Variants in PPIP5K2 observed in about 807,000 individuals in gnomAD.
PPIP5K2 encodes the protein diphosphoinositol pentakisphosphate kinase 2.
Under a neutral mutation model 154.6 loss-of-function variants are expected in PPIP5K2, and 105 were observed. The ratio of observed to expected loss-of-function variants is 0.68; its 90% CI spans 0.58 to 0.80. PPIP5K2 has a LOEUF of 0.80. PPIP5K2 is among the 30% of genes least tolerant of loss of function. The pLI, the probability that PPIP5K2 is intolerant of heterozygous loss-of-function variation, is 0.00. For synonymous variants in PPIP5K2, 480 were observed against 490.3 expected (o/e 0.98, Z 0.28); for missense variants, 992 against 1,504.6 (o/e 0.66, Z 5.64).
At chr5:103,186,093 A>G (rs1204093115) in intron 26 of PPIP5K2, among the ~76,000 whole-genome samples, 1 of 152,120 alleles carries the variant, frequency 6.6e-6, no homozygotes, top group East Asian at 1.9e-4. Context: ...ATTTTGTCCA[A>G]TGTTAAATTA....
At position 103,149,298 on chromosome 5, in the gene PPIP5K2, C is replaced by G. The variant is rs782540691; in HGVS notation, c.891C>G (p.Val297=). The G allele has an allele frequency of 1.6e-5, 26 of 1,613,344 alleles. No individual in the cohort carries two copies. In the South Asian group the frequency reaches 2.7e-4, roughly 17 times the overall value. ...GAGAGAAATTAATTGCTTGGAAAGT[C>G]TGCCTTGCTTTTAAGGTAAGATGTT... ...NAREKLIAWK[V]CLAFKQTVCG... The change falls in exon 8 of 31, where the codon GTC becomes GTG. Residue 297 remains valine (V), a synonymous_variant. Coordinates refer to ENST00000358359, the MANE Select transcript of PPIP5K2 (RefSeq NM_001276277.3).
At chr5:103,182,779 C>T (rs1554223375) in intron 24 of PPIP5K2, among the ~76,000 whole-genome samples, 1 of 151,982 alleles carries the variant, frequency 6.6e-6, no homozygotes. Flanking sequence ...ATCCCTTTGA[C>T]CCTTTGCACA....
Position 103,183,956 on chromosome 5 carries a change from T to C in PPIP5K2, c.3096+549T>C, listed in dbSNP as rs112545897. On this transcript the variant is annotated intron_variant, in intron 25 of 30. Transcript: ENST00000358359. ...ATTTGGAAGTATCTAATTTAAGGAA[T>C]ACATAGTCTGTTTTTCTTTGGACTG... is the stretch of plus-strand genomic sequence containing the variant. Among the ~76,000 whole-genome samples, 843 of 152,310 alleles carry C rather than the reference T, an allele frequency of 5.5e-3. 6 individuals carry two copies. Among genetic ancestry groups the C allele is most frequent in the African/African-American group, 0.019 (806 of 41,572 alleles).
intron 17 of PPIP5K2, among the ~76,000 whole-genome samples, chr5:103,159,761 C>T (rs1463646030): frequency 6.6e-6 from 1 of 152,180 alleles, no homozygotes; most frequent in Non-Finnish European, 1.5e-5. Flanking sequence ...TATTACCTCA[C>T]ATCCTTATTT....
chr5:103,176,798 G>T, intron 21 of PPIP5K2: 2 of 915,226 alleles, frequency 2.2e-6, no homozygotes, highest in South Asian at 3.9e-5. Flanking sequence ...TTTCTACTTT[G>T]AATGCTTGTA....
intron 17 of PPIP5K2, among the ~76,000 whole-genome samples, chr5:103,165,699 A>G (rs1458210174): frequency 3.3e-5 from 5 of 152,168 alleles, no homozygotes; most frequent in African/African-American, 7.2e-5. Flanking sequence ...AATCAGCAGT[A>G]TACAAATGGA....
At chr5:103,174,705 A>G (rs1163070536) in intron 21 of PPIP5K2, among the ~76,000 whole-genome samples, 1 of 152,044 alleles carries the variant, frequency 6.6e-6, no homozygotes, top group Non-Finnish European at 1.5e-5. Flanking sequence ...ATGTAGCATC[A>G]CTTCTGCTGC....
chr5:103,142,420 C>G (rs779187554), intron 5 of PPIP5K2, among the ~76,000 whole-genome samples: 18 of 152,228 alleles, frequency 1.2e-4, no homozygotes, highest in Non-Finnish European at 2.1e-4. Flanking sequence ...GCGCCTCTCC[C>G]TCCACATCTC....
chr5:103,137,106 G>A (rs1468176965), intron 4 of PPIP5K2, among the ~76,000 whole-genome samples: 4 of 151,706 alleles, frequency 2.6e-5, no homozygotes, highest in Admixed American at 6.6e-5. Context: ...AAACTTATGA[G>A]CACTTTTTCT....
intron 23 of PPIP5K2, among the ~76,000 whole-genome samples, chr5:103,178,589 A>G (rs1338302926): frequency 6.6e-6 from 1 of 151,578 alleles, no homozygotes; most frequent in Non-Finnish European, 1.5e-5. Context: ...ATTTTCATAT[A>G]AATTTTATAA....
At chr5:103,192,538 C>T (rs1801399111) in intron 29 of PPIP5K2, among the ~76,000 whole-genome samples, 1 of 149,440 alleles carries the variant, frequency 6.7e-6, no homozygotes, top group South Asian at 2.1e-4. Flanking sequence ...TAGATCTCAA[C>T]ACTATTTAGA....
chr5:103,171,760 T>A (rs1170009052), intron 19 of PPIP5K2, among the ~76,000 whole-genome samples: 1 of 151,652 alleles, frequency 6.6e-6, no homozygotes, highest in Non-Finnish European at 1.5e-5. Context: ...TATTTACATA[T>A]AATTGCTTCC....
At chr5:103,159,036 GTTTAT>G (rs1554214726) in intron 16 of PPIP5K2, 105 bp from the exon 17 acceptor site, 54 of 776,238 alleles carry the variant, frequency 7.0e-5, no homozygotes, top group Middle Eastern at 3.7e-4. Flanking sequence ...TATTAATAAA[GTTTAT>G]TTATGATAAA....
At chr5:103,190,026 A>G (rs1554226376) in intron 28 of PPIP5K2, among the ~76,000 whole-genome samples, 1 of 152,080 alleles carries the variant, frequency 6.6e-6, no homozygotes, top group Non-Finnish European at 1.5e-5. Context: ...AGTTGAATGA[A>G]GTTTAAATAA....
chr5:103,185,683 G>T (rs80193711), intron 26 of PPIP5K2, among the ~76,000 whole-genome samples: 1 of 151,870 alleles, frequency 6.6e-6, no homozygotes, highest in Non-Finnish European at 1.5e-5. Context: ...TGTTTTATTT[G>T]CTTATAATGT....
At chr5:103,191,674 A>C (rs1189040789) in intron 29 of PPIP5K2, among the ~76,000 whole-genome samples, 2 of 152,078 alleles carry the variant, frequency 1.3e-5, no homozygotes, top group Admixed American at 6.6e-5. Flanking sequence ...ATTAAATATC[A>C]TGTGGCTCTA....
chr5:103,153,417 ACTTGTTCTCCTTACAT>A (rs1554211966), intron 10 of PPIP5K2, among the ~76,000 whole-genome samples: 1 of 151,810 alleles, frequency 6.6e-6, no homozygotes, highest in Admixed American at 6.6e-5. Flanking sequence ...AGTTGTAAAT[ACTTGTTCTCCTTACAT>A]GGGCAAAACT....
intron 8 of PPIP5K2, among the ~76,000 whole-genome samples, 170 bp from the exon 9 acceptor site, chr5:103,151,083 A>G (rs1419546304): frequency 3.9e-5 from 6 of 151,910 alleles, no homozygotes; most frequent in Non-Finnish European, 7.4e-5. Flanking sequence ...TTTTCAGAGT[A>G]CTCAAGTTAT....
intron 19 of PPIP5K2, among the ~76,000 whole-genome samples, chr5:103,170,117 G>A (rs1427516481): frequency 6.6e-6 from 1 of 151,566 alleles, no homozygotes; most frequent in Non-Finnish European, 1.5e-5. Flanking sequence ...AAACTCAAGT[G>A]TTAACAGTAT....
Sources: allele counts gnomAD v4.1 joint callset (sites outside exome capture counted in the v4.1 genomes callset), GRCh38; gene constraint gnomAD v4.1.1; transcripts MANE v1.5; gene names NCBI Gene and HGNC (gene_info 2026-07-23, HGNC 2026-07-21).